TULP2: variants seen among roughly 807,000 people sequenced by gnomAD.
The protein encoded by TULP2 is tubby-related protein 2.
Under a neutral mutation model 60.3 loss-of-function variants are expected in TULP2, and 64 were observed. The ratio of observed to expected loss-of-function variants is 1.06; its 90% CI spans 0.87 to 1.31. TULP2 has a LOEUF of 1.31. Ranked by LOEUF, TULP2 falls within the 50% of genes most tolerant of loss-of-function variation. The pLI, the probability that TULP2 is intolerant of heterozygous loss-of-function variation, is 0.00. For missense variants in TULP2, 652 were observed against 667.0 expected (o/e 0.98, Z 0.25); for synonymous variants, 267 against 265.4 (o/e 1.01, Z -0.06).
Position 48,897,331 on chromosome 19 carries a change from C to T in TULP2, c.84+14G>A. ...GCGGAAGAGTTGGAGTGGTGAGATTCCTGGGCACAATACCTGCTGTTCCAG... is the reference window on the plus strand; with the variant it reads ...GCGGAAGAGTTGGAGTGGTGAGATTTCTGGGCACAATACCTGCTGTTCCAG... On this transcript the variant is annotated intron_variant, in intron 3 of 12. Transcript: ENST00000221399. This position sits in a 1 kb window ranked among gnomAD's most constrained non-coding sequence, Gnocchi z 4.0. 6.2e-7 allele frequency: 1 copy of T among 1,613,188 alleles called. No homozygotes were observed. Among genetic ancestry groups the T allele is most frequent in the South Asian group, 1.1e-5 (1 of 90,826 alleles).
Position 48,886,364 on chromosome 19 carries a change from C to T in TULP2, c.949-804G>A, listed in dbSNP as rs186898328. 7.8e-3 allele frequency among the ~76,000 whole-genome samples: 1,185 copies of T among 152,056 alleles called. 20 individuals are homozygous for T. The highest frequency in any genetic ancestry group is 0.027 in the African/African-American group (1,117 of 41,484). On this transcript the variant is annotated intron_variant, in intron 8 of 12. Transcript: ENST00000221399. ...ACTGAGGGAAGCCATCAGCTGGGTC[C>T]TGAATGGAAGCTTCCTATCTTAATA...
rs754739139 is a variant in TULP2, at chr19:48,888,288, G to A, written c.637-27C>T. On this transcript the variant is annotated intron_variant, in intron 7 of 12. Coordinates refer to ENST00000221399, the MANE Select transcript of TULP2 (RefSeq NM_003323.3). ...TAGCCCAGGCACCAAATTTAAAGTC[G>A]AGGGACAACCACCGGCCCAGCCTTG... 1.0e-5 allele frequency: 16 copies of A among 1,558,598 alleles called. 1 individual carries two copies. In the African/African-American group the frequency reaches 1.2e-4, roughly 12 times the overall value.
Position 48,881,205 on chromosome 19 carries a change from T to C in TULP2, c.1448-79A>G, listed in dbSNP as rs1444061159. On this transcript the variant is annotated intron_variant, in intron 12 of 12. Coordinates refer to ENST00000221399, the MANE Select transcript of TULP2 (RefSeq NM_003323.3). ...TCGAGAACTGAGACTTTTTTTTTTT[T>C]TTTTTCTTTTTTTTTTTTTTTTGAG... 7 of 446,006 alleles carry C rather than the reference T, an allele frequency of 1.6e-5. No individual in the cohort carries two copies. In the East Asian group the frequency reaches 3.2e-4, roughly 20 times the overall value. 27.6% of individuals were successfully genotyped at this position (446,006 alleles called of 1,614,324 possible). A position where few individuals can be genotyped will look rare whatever the true frequency, so the allele number is the denominator to read the frequency against.
chr19:48,893,303 G>A lies in TULP2; in HGVS notation c.514+1695C>T, dbSNP rs182122448. ...GAGAATCGCTTGAACCCAGAAGGCA[G>A]AGGTTGCAGTGAGCTGAGATCGCGC... On this transcript the variant is annotated intron_variant, in intron 6 of 12. Transcript: ENST00000221399. Among the ~76,000 whole-genome samples, 624 of 151,464 alleles carry A rather than the reference G, an allele frequency of 4.1e-3. 2 individuals carry two copies. The highest frequency in any genetic ancestry group is 7.7e-3 in the Non-Finnish European group (520 of 67,928).
At chr19:48,891,196 C>G (rs1397578013) in intron 6 of TULP2, among the ~76,000 whole-genome samples, 1 of 149,998 alleles carries the variant, frequency 6.7e-6, no homozygotes, top group African/African-American at 2.5e-5. Context: ...TGGTGGCCGG[C>G]GCCTGTAGTC....
chr19:48,881,990 C>T (rs755921038), intron 12 of TULP2, 42 bp downstream of exon 12: 3 of 1,613,936 alleles, frequency 1.9e-6, no homozygotes, highest in Non-Finnish European at 2.5e-6. Context: ...ACCCTAACCC[C>T]CACCCCACCT....
Position 48,881,136 on chromosome 19 carries a change from G to A in TULP2, c.1448-10C>T. On this transcript the variant is annotated splice_polypyrimidine_tract_variant and intron_variant, in intron 12 of 12. Coordinates refer to ENST00000221399, the MANE Select transcript of TULP2 (RefSeq NM_003323.3). The stretch of plus-strand genomic sequence containing the variant: ...AGCACCAGATGTTCTTCTGAGAAGT[G>A]AATCAGGAACAAAGCCTTAGCCTGA... 6.3e-7 allele frequency: 1 copy of A among 1,576,006 alleles called. No homozygotes were observed. Among genetic ancestry groups the A allele is most frequent in the Non-Finnish European group, 8.7e-7 (1 of 1,153,274 alleles).
intron 6 of TULP2, among the ~76,000 whole-genome samples, chr19:48,891,448 T>G (rs2037232529): frequency 1.3e-5 from 2 of 151,852 alleles, no homozygotes; most frequent in African/African-American, 4.8e-5. Flanking sequence ...CTGGCCAACA[T>G]AGTGAAACCG....
rs554688167 is a variant in TULP2 at position 48,881,823 on chromosome 19, T to C, written c.1447+209A>G. On this transcript the variant is annotated intron_variant, in intron 12 of 12. Coordinates refer to ENST00000221399, the MANE Select transcript of TULP2 (RefSeq NM_003323.3). ...GGGAGCTACCGCGCCAGGCCGAGAATGGAGACTTTTAAGAGGCTGAGCGGT... is the reference window on the plus strand; with the variant it reads ...GGGAGCTACCGCGCCAGGCCGAGAACGGAGACTTTTAAGAGGCTGAGCGGT... Among the ~76,000 whole-genome samples, 4 of 152,268 alleles carry C rather than the reference T, an allele frequency of 2.6e-5. No homozygotes were observed. The South Asian group carries it at 8.3e-4, about 32-fold the overall frequency.
At chr19:48,890,915 A>G (rs560249511) in intron 6 of TULP2, among the ~76,000 whole-genome samples, 211 of 152,252 alleles carry the variant, frequency 1.4e-3, no homozygotes, top group Non-Finnish European at 2.3e-3. Flanking sequence ...CTGTCATTGA[A>G]ATCATTGGCC....
At chr19:48,887,720 G>C (rs560844742) in intron 8 of TULP2, among the ~76,000 whole-genome samples, 1 of 152,130 alleles carries the variant, frequency 6.6e-6, no homozygotes, top group South Asian at 2.1e-4. Context: ...ACCACTCCCG[G>C]CTAATTTTTG....
Position 48,895,425 on chromosome 19 carries a change from A to G in TULP2, c.290T>C (p.Val97Ala). Residue 97 changes from valine to alanine, a missense_variant, in exon 5 of 13, where the codon GTG (valine) becomes GCG (alanine). Val to Ala is a moderately conservative substitution (Grantham distance 64). Transcript: ENST00000221399. ...GCCCCTGCCGTCTCCACCACAGCTC[A>G]CGGTGCCCAGGGCACTGTGGATGCC... ...PSGIHSALGT[V>A]SCGGDGRGER... 1 of 1,613,750 alleles carries G rather than the reference A, an allele frequency of 6.2e-7. No individual in the cohort carries two copies. The highest frequency in any genetic ancestry group is 8.5e-7 in the Non-Finnish European group (1 of 1,179,774).
At chr19:48,888,297 C>T (rs767075695) in intron 7 of TULP2, 36 bp from the exon 8 acceptor site, 11 of 1,549,720 alleles carry the variant, frequency 7.1e-6, no homozygotes, top group Non-Finnish European at 9.6e-6. Flanking sequence ...CGAGGGACAA[C>T]CACCGGCCCA....
At chr19:48,887,311 C>CTGTTTTTTTTTTTTTTTTT in intron 8 of TULP2, among the ~76,000 whole-genome samples, 1 of 39,376 alleles carries the variant, frequency 2.5e-5, no homozygotes, top group South Asian at 1.4e-3. Flanking sequence ...GCGCCCAGCC[C>CTGTTTTTTTTTTTTTTTTT]TTTTTTTTTT....
At chr19:48,898,429 C>T (rs1174802070) in intron 1 of TULP2, 161 bp downstream of exon 1, 1 of 151,456 alleles carries the variant, frequency 6.6e-6, no homozygotes, top group African/African-American at 2.4e-5. Context: ...GGCATCAGAA[C>T]TCAGGACTGT....
intron 8 of TULP2, among the ~76,000 whole-genome samples, chr19:48,887,349 G>T (rs1475953976): frequency 7.9e-5 from 3 of 37,784 alleles, no homozygotes; most frequent in Non-Finnish European, 2.3e-4. Context: ...TTTTTATGCA[G>T]AGTCTAACTC....
At chr19:48,885,148 G>A (rs984745658) in intron 9 of TULP2, among the ~76,000 whole-genome samples, 2 of 151,840 alleles carry the variant, frequency 1.3e-5, no homozygotes, top group Non-Finnish European at 2.9e-5. Context: ...TGATCCTCCC[G>A]CCTCTGCCTC....
intron 6 of TULP2, among the ~76,000 whole-genome samples, chr19:48,894,350 AGC>A: frequency 6.6e-6 from 1 of 151,896 alleles, no homozygotes; most frequent in Non-Finnish European, 1.5e-5. Context: ...AACATATAAC[AGC>A]TATTTACGGG....
rs1413451472 is a variant in TULP2 at position 48,888,159 on chromosome 19, C to T, written c.739G>A (p.Gly247Ser). ...ELSKALKGEG[G>S]TDSDHMRHEA... ...TGCCTCATATGGTCGCTGTCCGTGCCACCCTCGCCTTTCAGGGCCTTGGAC... is the reference window on the plus strand; with the variant it reads ...TGCCTCATATGGTCGCTGTCCGTGCTACCCTCGCCTTTCAGGGCCTTGGAC... The change falls in exon 8 of 13, where the codon GGC becomes AGC. Residue 247 changes from glycine (G) to serine (S), a missense_variant. Gly to Ser is a moderately conservative substitution (Grantham distance 56, BLOSUM62 0). Transcript: ENST00000221399. The T allele has an allele frequency of 6.2e-7, 1 of 1,614,098 alleles. No individual in the cohort carries two copies. Among genetic ancestry groups the T allele is most frequent in the Non-Finnish European group, 8.5e-7 (1 of 1,180,042 alleles).
Sources: gnomAD v4.1 joint callset for allele counts (sites outside exome capture counted in the v4.1 genomes callset) on GRCh38, gnomAD v4.1.1 for gene constraint, Gnocchi (gnomAD v3.1) non-coding constraint, MANE v1.5 for transcripts, NCBI Gene and HGNC (gene_info 2026-07-23, HGNC 2026-07-21) for gene names.